ATXN2: variants seen among roughly 807,000 people sequenced by gnomAD.
The protein encoded by ATXN2 is ataxin 2, also known as ataxin-2.
A neutral mutation model predicts 138.6 loss-of-function variants in ATXN2; 37 were observed. The ratio of observed to expected loss-of-function variants is 0.27; its 90% CI spans 0.21 to 0.35. ATXN2 has a LOEUF of 0.35. Ranked by LOEUF, ATXN2 falls within the 10% of genes least tolerant of loss-of-function variation. The probability of loss-of-function intolerance (pLI) is 1.00; values close to 1 mark genes in which losing one functional copy is unlikely to be tolerated. For synonymous variants in ATXN2, 549 were observed against 543.7 expected (o/e 1.01, Z -0.13); for missense variants, 1,216 against 1,480.3 (o/e 0.82, Z 2.93).
intron 1 of ATXN2, among the ~76,000 whole-genome samples, chr12:111,569,876 A>G (rs1384282481): frequency 1.3e-5 from 2 of 152,154 alleles, no homozygotes; most frequent in African/African-American, 4.8e-5. Context: ...CAACTCAGGT[A>G]GAAAAGGATC....
intron 14 of ATXN2, 45 bp downstream of exon 14, chr12:111,509,504 G>T: frequency 1.9e-6 from 2 of 1,070,008 alleles, no homozygotes; most frequent in Non-Finnish European, 2.8e-6. Context: ...CTTTAGTAAT[G>T]CTTATTTTCT....
intron 15 of ATXN2, among the ~76,000 whole-genome samples, chr12:111,487,260 T>C (rs1877706621): frequency 6.6e-6 from 1 of 151,894 alleles, no homozygotes; most frequent in Non-Finnish European, 1.5e-5. Flanking sequence ...TTTTAATATT[T>C]ATTTTTAGTA....
intron 1 of ATXN2, among the ~76,000 whole-genome samples, 184 bp from the exon 2 acceptor site, chr12:111,556,103 C>G (rs1004518195): frequency 5.3e-5 from 8 of 152,006 alleles, no homozygotes; most frequent in Middle Eastern, 3.2e-3. Flanking sequence ...GCCTGGAGAC[C>G]CACAACAGGT....
At chr12:111,518,203 A>G in intron 9 of ATXN2, 46 bp downstream of exon 9, 6 of 1,459,418 alleles carry the variant, frequency 4.1e-6, no homozygotes, top group Non-Finnish European at 5.6e-6. Context: ...AGTATTTAGA[A>G]AACTATTTTA....
chr12:111,510,760 C>T (rs1304567281), intron 11 of ATXN2, 178 bp from the exon 12 acceptor site: 2 of 491,346 alleles, frequency 4.1e-6, no homozygotes, highest in Non-Finnish European at 7.0e-6. Context: ...ATCAAAACCA[C>T]AAGTATATGA....
intron 14 of ATXN2, among the ~76,000 whole-genome samples, chr12:111,506,808 C>T (rs566513005): frequency 6.6e-6 from 1 of 152,310 alleles, no homozygotes; most frequent in South Asian, 2.1e-4. Context: ...TGATTGCAGG[C>T]CCGCGCCGCC....
intron 11 of ATXN2, 48 bp downstream of exon 11, chr12:111,513,309 A>G (rs1024077852): frequency 6.3e-7 from 1 of 1,585,790 alleles, no homozygotes; most frequent in Admixed American, 1.8e-5. Flanking sequence ...CTTTATATCT[A>G]GTGTAATGAC....
At chr12:111,486,549 A>G (rs1291948541) in intron 16 of ATXN2, among the ~76,000 whole-genome samples, 1 of 152,222 alleles carries the variant, frequency 6.6e-6, no homozygotes, top group African/African-American at 2.4e-5. Flanking sequence ...AGAAATTCAA[A>G]GATTTGCCCA....
Position 111,452,678 on chromosome 12 carries a change from A to G in ATXN2, c.*134T>C. On this transcript the variant is annotated 3_prime_UTR_variant, in exon 25 of 25. Coordinates refer to ENST00000673436, the MANE Select transcript of ATXN2 (RefSeq NM_001372574.1). ...CTGCAAGTGAACTGTTAGCATTCCT[A>G]TTGGATGTTACAAGAAATCAACATA... 2.9e-6 allele frequency: 3 copies of G among 1,044,180 alleles called. No homozygotes were observed. The highest frequency in any genetic ancestry group is 2.7e-5 in the South Asian group (2 of 74,258). The allele number at this position is 1,044,180 out of a possible 1,614,324, so 64.7% of individuals were successfully genotyped here. A position where few individuals can be genotyped will look rare whatever the true frequency, so the allele number is the denominator to read the frequency against.
In ATXN2 at chr12:111,453,248, CAA is replaced by C; in HGVS notation, c.3440-410_3440-409del. The C allele has an allele frequency of 9.4e-7, 1 of 1,066,706 alleles. No homozygotes were observed. The highest frequency in any genetic ancestry group is 1.1e-6 in the Non-Finnish European group (1 of 882,796). 66.1% of individuals were successfully genotyped at this position (1,066,706 alleles called of 1,614,324 possible). On this transcript the variant is annotated intron_variant, in intron 24 of 24. Coordinates refer to ENST00000673436, the MANE Select transcript of ATXN2 (RefSeq NM_001372574.1). The surrounding 1 kb of genome is among the most constrained non-coding windows in gnomAD (Gnocchi z 5.4). ...CAGGGGCTGGGGCTAACGCTACACT[CAA>C]AGCCAGTCCATCCACAGCGCTTTCT...
intron 5 of ATXN2, among the ~76,000 whole-genome samples, chr12:111,525,685 C>CT (rs1566043005): frequency 7.5e-6 from 1 of 132,684 alleles, no homozygotes; most frequent in African/African-American, 3.3e-5. Flanking sequence ...CCACACGAAG[C>CT]ATTTTTTTTT....
intron 23 of ATXN2, chr12:111,455,209 T>C: frequency 2.9e-6 from 2 of 688,810 alleles, no homozygotes; most frequent in Admixed American, 2.0e-5. Context: ...AGACATCTAA[T>C]ACAGCCAATT....
chr12:111,580,502 T>C (rs775799232), intron 1 of ATXN2, among the ~76,000 whole-genome samples: 1 of 142,022 alleles, frequency 7.0e-6, no homozygotes, highest in Non-Finnish European at 1.5e-5. Context: ...GAAGATTCTG[T>C]CTCCAAAAAA....
chr12:111,500,650 G>A (rs1399568542), intron 14 of ATXN2, among the ~76,000 whole-genome samples: 2 of 152,292 alleles, frequency 1.3e-5, no homozygotes, highest in African/African-American at 2.4e-5. Flanking sequence ...TGTGGCAGCC[G>A]GATCACAAGG....
chr12:111,524,262 T>G (rs933818720), intron 6 of ATXN2, among the ~76,000 whole-genome samples: 14 of 152,228 alleles, frequency 9.2e-5, no homozygotes, highest in African/African-American at 3.1e-4. Context: ...TCAGGCTTCC[T>G]GTCTGAGGAA....
Position 111,569,979 on chromosome 12 carries a change from A to G in ATXN2, c.252-14060T>C, listed in dbSNP as rs779041704. Among the ~76,000 whole-genome samples, 79 of 152,224 alleles carry G rather than the reference A, an allele frequency of 5.2e-4. 1 individual carries two copies. Among genetic ancestry groups the G allele is most frequent in the Non-Finnish European group, 1.0e-3 (71 of 68,044 alleles). On this transcript the variant is annotated intron_variant, in intron 1 of 24. Transcript: ENST00000673436. ...GTCCAATATTGCAGCCATTAGGCACATGTGGCAGCTAAGCACTTGAAATAC... is the reference window on the plus strand; with the variant it reads ...GTCCAATATTGCAGCCATTAGGCACGTGTGGCAGCTAAGCACTTGAAATAC...
chr12:111,534,357 G>C (rs1881020153), intron 5 of ATXN2, among the ~76,000 whole-genome samples: 1 of 151,846 alleles, frequency 6.6e-6, no homozygotes, highest in Non-Finnish European at 1.5e-5. Context: ...GCCAAGATCT[G>C]CATCACCACA....
Position 111,552,314 on chromosome 12 carries a change from C to A in ATXN2, c.537G>T (p.Gln179His), listed in dbSNP as rs569806098. Residue 179 changes from glutamine to histidine, a missense_variant, in exon 5 of 25, where the codon CAG (glutamine) becomes CAT (histidine). Gln to His is a conservative substitution (Grantham distance 24, BLOSUM62 0). Coordinates refer to ENST00000673436, the MANE Select transcript of ATXN2 (RefSeq NM_001372574.1). This position sits in a 1 kb window ranked among gnomAD's most constrained non-coding sequence, Gnocchi z 4.1. Reference sequence around the variant, plus strand: ...CATAACTGGAGTCCATATCTTTAAACTGTACCACAACAAAGTCTGAACATT... The same window carrying A: ...CATAACTGGAGTCCATATCTTTAAAATGTACCACAACAAAGTCTGAACATT... Reference protein sequence around the residue: ...LFKCSDFVVVQFKDMDSSYAK... With the variant: ...LFKCSDFVVVHFKDMDSSYAK... 5.0e-6 allele frequency: 8 copies of A among 1,612,178 alleles called. No homozygotes were observed. The highest frequency in any genetic ancestry group is 5.9e-6 in the Non-Finnish European group (7 of 1,179,362).
rs1450604881 is a variant in ATXN2 at position 111,475,491 on chromosome 12, T to C, written c.2525-4749A>G. 1.9e-4 allele frequency among the ~76,000 whole-genome samples: 28 copies of C among 148,334 alleles called. 1 individual carries two copies. The highest frequency in any genetic ancestry group is 1.8e-3 in the East Asian group (9 of 5,062). On this transcript the variant is annotated intron_variant, in intron 18 of 24. Transcript: ENST00000673436. ...AAAGATTTATCTTTTCTGTTTCTTTTTTTTTTTTTTTTTTTTAAGAGGGAA... is the reference window on the plus strand; with the variant it reads ...AAAGATTTATCTTTTCTGTTTCTTTCTTTTTTTTTTTTTTTTAAGAGGGAA...
Sources: gnomAD v4.1 joint callset for allele counts (sites outside exome capture counted in the v4.1 genomes callset) on GRCh38, gnomAD v4.1.1 for gene constraint, Gnocchi (gnomAD v3.1) non-coding constraint, MANE v1.5 for transcripts, NCBI Gene and HGNC (gene_info 2026-07-23, HGNC 2026-07-21) for gene names.